CFAP157: variants seen among roughly 807,000 people sequenced by gnomAD.
The protein encoded by CFAP157 is cilia- and flagella-associated protein 157.
In CFAP157, 43 loss-of-function variants were observed where a neutral mutation model predicts 57.8. The ratio of observed to expected loss-of-function variants is 0.74; its 90% CI spans 0.58 to 0.96. The LOEUF (loss-of-function observed/expected upper bound fraction) is 0.96. Among genes scored for constraint, CFAP157 ranks in the 40% least tolerant of loss-of-function variants. CFAP157 has a pLI of 0.00. For synonymous variants in CFAP157, 267 were observed against 269.0 expected, an observed-to-expected ratio of 0.99 and a Z score of 0.07; for missense variants, 606 against 655.3, an observed-to-expected ratio of 0.92 and a Z score of 0.82.
intron 1 of CFAP157, among the ~76,000 whole-genome samples, chr9:127,707,455 A>G (rs1256106535): frequency 6.6e-6 from 1 of 151,980 alleles, no homozygotes; most frequent in Non-Finnish European, 1.5e-5. Flanking sequence ...ACCCCAGGCA[A>G]TCCCCACGTC....
Position 127,711,418 on chromosome 9 carries a change from G to A in CFAP157, c.777G>A (p.Gln259=). The A allele has an allele frequency of 6.2e-7, 1 of 1,614,172 alleles. No individual in the cohort carries two copies. Among genetic ancestry groups the A allele is most frequent in the Non-Finnish European group, 8.5e-7 (1 of 1,180,046 alleles). The change falls in exon 4 of 9, where the codon CAG becomes CAA. Residue 259 remains glutamine (Q), a synonymous_variant. Coordinates refer to ENST00000373295, the MANE Select transcript of CFAP157 (RefSeq NM_001012502.3). ...AGAATGAGCAGCTCAAGGGAAGACA[G>A]AACAATCTGTGCAAACAGCTGGAGC... ...LQENEQLKGR[Q]NNLCKQLELL...
At chr9:127,710,275 C>T (rs1270219099) in intron 2 of CFAP157, among the ~76,000 whole-genome samples, 4 of 146,020 alleles carry the variant, frequency 2.7e-5, no homozygotes, top group African/African-American at 1.0e-4. Flanking sequence ...AGAGGAAGAC[C>T]CTGTCTCAAA....
Position 127,713,991 on chromosome 9 carries a change from C to G in CFAP157, c.*86C>G. ...TAATCCGCAGGCAGCCTGGAACAGT[C>G]TAGAGGAGATTTGTATAAAAAGTAG... On this transcript the variant is annotated 3_prime_UTR_variant, in exon 9 of 9. Coordinates refer to ENST00000373295, the MANE Select transcript of CFAP157 (RefSeq NM_001012502.3). The G allele has an allele frequency of 3.2e-6, 5 of 1,577,558 alleles. No homozygotes were observed. Among genetic ancestry groups the G allele is most frequent in the Middle Eastern group, 1.7e-4 (1 of 5,986 alleles).
rs751828588 is a variant in CFAP157 at position 127,715,652 on chromosome 9, CA to C, written c.*1748del. 2.2e-4 allele frequency: 355 copies of C among 1,609,328 alleles called. 1 individual carries two copies. The highest frequency in any genetic ancestry group is 1.7e-3 in the South Asian group (156 of 90,812). ...CGCCCGGCCTCATGCTGCCCCCATT[CA>C]CTCCGACACCGCCCCCTGACGTCAT... On this transcript the variant is annotated 3_prime_UTR_variant, in exon 9 of 9. Transcript: ENST00000373295. This position sits in a 1 kb window ranked among gnomAD's most constrained non-coding sequence, Gnocchi z 5.8.
intron 3 of CFAP157, 58 bp downstream of exon 3, chr9:127,710,812 C>A (rs988803081): frequency 6.5e-7 from 1 of 1,534,912 alleles, no homozygotes; most frequent in Non-Finnish European, 8.8e-7. Flanking sequence ...GGGCTACGAA[C>A]ATCCTAGTCT....
At position 127,713,912 on chromosome 9, in the gene CFAP157, G is replaced by C. The variant is rs773019870; in HGVS notation, c.*7G>C. ...TCCCCTACGTCCCAAGTAGGACACA[G>C]AGAGAAGAACCTACTCCAGAAATGG... On this transcript the variant is annotated 3_prime_UTR_variant, in exon 9 of 9. Transcript: ENST00000373295. 17 of 1,613,118 alleles carry C rather than the reference G, an allele frequency of 1.1e-5. No homozygotes were observed. The East Asian group carries it at 3.8e-4, about 36-fold the overall frequency.
In CFAP157 at chr9:127,715,815, C is replaced by T. The variant is rs779721647; in HGVS notation, c.*1910C>T. ...GTGGCCGAGTCCGGGAACCCAGGCG[C>T]CTTCAGTAGCGCGGCGTCACAGTGT... is the stretch of plus-strand genomic sequence containing the variant. On this transcript the variant is annotated 3_prime_UTR_variant, in exon 9 of 9. Coordinates refer to ENST00000373295, the MANE Select transcript of CFAP157 (RefSeq NM_001012502.3). This position sits in a 1 kb window ranked among gnomAD's most constrained non-coding sequence, Gnocchi z 5.8. The T allele has an allele frequency of 2.5e-5, 31 of 1,258,468 alleles. No individual in the cohort carries two copies. Among genetic ancestry groups the T allele is most frequent in the Non-Finnish European group, 3.3e-5 (30 of 916,820 alleles). The allele number at this position is 1,258,468 out of a possible 1,614,324, so 78.0% of individuals were successfully genotyped here.
Position 127,709,651 on chromosome 9 carries a change from C to T in CFAP157, c.391C>T (p.Gln131Ter). 1 of 1,613,744 alleles carries T rather than the reference C, an allele frequency of 6.2e-7. No homozygotes were observed. Among genetic ancestry groups the T allele is most frequent in the Non-Finnish European group, 8.5e-7 (1 of 1,180,024 alleles). Residue 131 changes from glutamine (Q) to a stop codon, truncating the protein, a stop_gained, in exon 2 of 9, where the codon CAG becomes TAG. Coordinates refer to ENST00000373295, the MANE Select transcript of CFAP157 (RefSeq NM_001012502.3). LOFTEE classifies it high-confidence loss of function. This position sits in a 1 kb window ranked among gnomAD's most constrained non-coding sequence, Gnocchi z 4.7. Reference protein sequence around the residue: ...AQLAQVRHEFQETKDQLTTEN... With the variant: ...AQLAQVRHEF Reference sequence around the variant, plus strand: ...GCTGGCCCAGGTGCGCCACGAGTTCCAGGAGACCAAGGACCAGCTCACCAC... The same window carrying T: ...GCTGGCCCAGGTGCGCCACGAGTTCTAGGAGACCAAGGACCAGCTCACCAC...
Position 127,714,118 on chromosome 9 carries a change from C to T in CFAP157, c.*213C>T. On this transcript the variant is annotated 3_prime_UTR_variant, in exon 9 of 9. Coordinates refer to ENST00000373295, the MANE Select transcript of CFAP157 (RefSeq NM_001012502.3). ...ACTAGTGTCACGGCCCCAGTGAGGG[C>T]CCCTGGCTTCGCTCACGGATGTGGT... The T allele has an allele frequency of 1.2e-6, 2 of 1,613,216 alleles. No individual in the cohort carries two copies. The highest frequency in any genetic ancestry group is 1.6e-4 in the Middle Eastern group (1 of 6,062).
Position 127,713,065 on chromosome 9 carries a change from G to C in CFAP157, c.1350G>C (p.Gln450His). ...QLPRTGSLLP[Q>H]LSDITPYQPG... ...CCAGGACTGGGTCTCTGCTGCCGCA[G>C]CTCTCTGACATCACCCCCTACCAGC... The change falls in exon 8 of 9, where the codon CAG becomes CAC. Residue 450 changes from glutamine (Q) to histidine (H), a missense_variant. Physicochemically the swap from Gln to His is conservative, Grantham distance 24 (BLOSUM62 0). Coordinates refer to ENST00000373295, the MANE Select transcript of CFAP157 (RefSeq NM_001012502.3). The C allele has an allele frequency of 6.2e-7, 1 of 1,613,958 alleles. No homozygotes were observed. The highest frequency in any genetic ancestry group is 8.5e-7 in the Non-Finnish European group (1 of 1,179,952).
chr9:127,714,217 C>T lies in CFAP157; in HGVS notation c.*312C>T, dbSNP rs752199939. ...GCTCAGCAGGGGAGAAGCAGCCCAGCACATGGGCCTGAACCGCCTCAGGGT... is the reference window on the plus strand; with the variant it reads ...GCTCAGCAGGGGAGAAGCAGCCCAGTACATGGGCCTGAACCGCCTCAGGGT... On this transcript the variant is annotated 3_prime_UTR_variant, in exon 9 of 9. Coordinates refer to ENST00000373295, the MANE Select transcript of CFAP157 (RefSeq NM_001012502.3). The T allele has an allele frequency of 6.2e-7, 1 of 1,613,962 alleles. No homozygotes were observed. Among genetic ancestry groups the T allele is most frequent in the Non-Finnish European group, 8.5e-7 (1 of 1,180,012 alleles).
In CFAP157 at chr9:127,713,153, C is replaced by T. The variant is rs1436019703; in HGVS notation, c.1438C>T (p.Leu480=). Residue 480 remains leucine (L), a synonymous_variant, in exon 8 of 9, where the codon CTG becomes TTG. Coordinates refer to ENST00000373295, the MANE Select transcript of CFAP157 (RefSeq NM_001012502.3). ...CCCACCCAACCCCCAGGACCTCAGG[C>T]TGCTGTCATATATCACCCGTGTGGG... ...HIPPNPQDLR[L]LSYITRVGTF... The T allele has an allele frequency of 4.4e-6, 7 of 1,606,046 alleles. No individual in the cohort carries two copies. The highest frequency in any genetic ancestry group is 3.4e-5 in the Admixed American group (2 of 59,160).
At position 127,713,211 on chromosome 9, in the gene CFAP157, G is replaced by A. The variant is rs753109246; in HGVS notation, c.1491+5G>A. 6 of 1,519,236 alleles carry A rather than the reference G, an allele frequency of 3.9e-6. No individual in the cohort carries two copies. Among genetic ancestry groups the A allele is most frequent in the African/African-American group, 1.4e-5 (1 of 71,822 alleles). The allele number at this position is 1,519,236 out of a possible 1,614,324, so 94.1% of individuals were successfully genotyped here. ...CGGGCACACAGCAGCCCTGAGGTGAGGGTGCCAGGGGCCCCAGGGAAAGCA... is the reference window on the plus strand; with the variant it reads ...CGGGCACACAGCAGCCCTGAGGTGAAGGTGCCAGGGGCCCCAGGGAAAGCA... On this transcript the variant is annotated splice_donor_5th_base_variant and intron_variant, in intron 8 of 8. Coordinates refer to ENST00000373295, the MANE Select transcript of CFAP157 (RefSeq NM_001012502.3).
chr9:127,708,341 G>A (rs1039236490), intron 1 of CFAP157, among the ~76,000 whole-genome samples: 3 of 152,124 alleles, frequency 2.0e-5, no homozygotes, highest in African/African-American at 7.2e-5. Context: ...GCTGGGCATG[G>A]TGGCGGGCGC....
Position 127,712,892 on chromosome 9 carries a change from G to A in CFAP157, c.1304+17G>A. 3 of 1,603,160 alleles carry A rather than the reference G, an allele frequency of 1.9e-6. No homozygotes were observed. Among genetic ancestry groups the A allele is most frequent in the Non-Finnish European group, 2.6e-6 (3 of 1,174,426 alleles). The stretch of plus-strand genomic sequence containing the variant: ...CAAGGAGAGGTAAGCAAGTGGCCCT[G>A]TGTGGCCTCAGAGGCAGCCACAGAG... On this transcript the variant is annotated intron_variant, in intron 7 of 8. Coordinates refer to ENST00000373295, the MANE Select transcript of CFAP157 (RefSeq NM_001012502.3).
chr9:127,711,740 G>A, intron 4 of CFAP157, 80 bp from the exon 5 acceptor site: 1 of 1,480,110 alleles, frequency 6.8e-7, no homozygotes, highest in Admixed American at 2.1e-5. Context: ...CTCTGCATAG[G>A]GGAACACGGG....
intron 2 of CFAP157, 122 bp from the exon 3 acceptor site, chr9:127,710,479 C>A (rs1276650642): frequency 1.6e-6 from 2 of 1,212,234 alleles, no homozygotes; most frequent in Non-Finnish European, 2.3e-6. Context: ...TAGACCTGCC[C>A]CACTGAGACC....
chr9:127,707,808 G>A lies in CFAP157; in HGVS notation c.161+616G>A, dbSNP rs117974917. 2.2e-4 allele frequency among the ~76,000 whole-genome samples: 33 copies of A among 152,276 alleles called. 1 individual carries two copies. In the East Asian group the frequency reaches 5.0e-3, roughly 23 times the overall value. On this transcript the variant is annotated intron_variant, in intron 1 of 8. Coordinates refer to ENST00000373295, the MANE Select transcript of CFAP157 (RefSeq NM_001012502.3). ...TTATGTTACAACCAGTTTCCTCCCC[G>A]TTGTGAGGCACCGCCCCAGTCTCAG...
chr9:127,708,109 C>A (rs1467398397), intron 1 of CFAP157, among the ~76,000 whole-genome samples: 1 of 151,922 alleles, frequency 6.6e-6, no homozygotes, highest in African/African-American at 2.4e-5. Context: ...AAGACTGCTT[C>A]CTCAGCCCCC....
Sources: gnomAD v4.1 joint callset for allele counts (sites outside exome capture counted in the v4.1 genomes callset) on GRCh38, gnomAD v4.1.1 for gene constraint, Gnocchi (gnomAD v3.1) non-coding constraint, MANE v1.5 for transcripts, NCBI Gene and HGNC (gene_info 2026-07-23, HGNC 2026-07-21) for gene names.